The following ERH variants were observed in gnomAD, a reference collection of about 807,000 sequenced individuals.
ERH encodes enhancer of rudimentary homolog.
Under a neutral mutation model 16.8 loss-of-function variants are expected in ERH, and 1 was observed. That is an observed-to-expected ratio of 0.06 (90% CI 0.02 to 0.28). The LOEUF is 0.28. Among genes scored for constraint, ERH ranks in the 10% least tolerant of loss-of-function variants. The pLI is 1.00. For missense variants in ERH, 42 were observed against 127.5 expected, an observed-to-expected ratio of 0.33 and a Z score of 3.23; for synonymous variants, 43 against 43.6, an observed-to-expected ratio of 0.99 and a Z score of 0.05.
chr14:69,395,906 G>C (rs925398508), intron 1 of ERH, among the ~76,000 whole-genome samples: 1 of 152,140 alleles, frequency 6.6e-6, no homozygotes, highest in African/African-American at 2.4e-5. Flanking sequence ...CTTCCACTTC[G>C]TGCTCACTGG....
At chr14:69,384,442 C>T (rs764647596) in intron 3 of ERH, among the ~76,000 whole-genome samples, 6 of 152,218 alleles carry the variant, frequency 3.9e-5, no homozygotes, top group Non-Finnish European at 8.8e-5. Flanking sequence ...CCAGCTATGT[C>T]TAATTCTGCC....
At chr14:69,397,968 G>GGA in intron 1 of ERH, 1 of 594,634 alleles carries the variant, frequency 1.7e-6, no homozygotes, top group Non-Finnish European at 3.0e-6. Context: ...GTAACAATCG[G>GGA]GAGAGAGTTC....
At chr14:69,395,252 C>T (rs1882309888) in intron 1 of ERH, among the ~76,000 whole-genome samples, 1 of 152,030 alleles carries the variant, frequency 6.6e-6, no homozygotes, top group African/African-American at 2.4e-5. Context: ...CTGCAGTGTG[C>T]CATGATCACA....
At chr14:69,381,290 G>T (rs1157854642) in intron 3 of ERH, among the ~76,000 whole-genome samples, 1 of 151,988 alleles carries the variant, frequency 6.6e-6, no homozygotes, top group Non-Finnish European at 1.5e-5. Flanking sequence ...AACAATACTA[G>T]AACAAACTTT....
chr14:69,398,248 T>C lies in ERH; in HGVS notation c.-15A>G. 3.1e-6 allele frequency: 5 copies of C among 1,613,962 alleles called. No homozygotes were observed. The highest frequency in any genetic ancestry group is 4.2e-6 in the Non-Finnish European group (5 of 1,179,958). ...TTTCTCACCATCGCGCCAAACTCTCTTCGCTACAGCAGCTGCCGACACCGC... is the reference window on the plus strand; with the variant it reads ...TTTCTCACCATCGCGCCAAACTCTCCTCGCTACAGCAGCTGCCGACACCGC... On this transcript the variant is annotated 5_prime_UTR_variant, in exon 1 of 4. Transcript: ENST00000557016.
chr14:69,384,720 GA>G (rs2045881489), intron 3 of ERH, among the ~76,000 whole-genome samples: 1 of 152,152 alleles, frequency 6.6e-6, no homozygotes, highest in Admixed American at 6.5e-5. Context: ...CAACACAAGT[GA>G]CGTGCATTTA....
chr14:69,389,432 T>C (rs2045911442), intron 2 of ERH, among the ~76,000 whole-genome samples: 1 of 152,186 alleles, frequency 6.6e-6, no homozygotes, highest in African/African-American at 2.4e-5. Flanking sequence ...CTAGAAGTTC[T>C]AGCCAGGGCA....
intron 2 of ERH, among the ~76,000 whole-genome samples, chr14:69,387,660 C>T (rs1183379361): frequency 7.5e-6 from 1 of 133,160 alleles, no homozygotes; most frequent in Non-Finnish European, 1.5e-5. Flanking sequence ...TGGGTCTTAA[C>T]AGGTTTTTCA....
intron 2 of ERH, among the ~76,000 whole-genome samples, chr14:69,392,445 C>G (rs1166106469): frequency 1.3e-5 from 2 of 152,062 alleles, no homozygotes; most frequent in Non-Finnish European, 2.9e-5. Flanking sequence ...ATAATGATTC[C>G]AACTATATGA....
chr14:69,380,452 TA>T lies in ERH; in HGVS notation c.*85del, dbSNP rs1209825871. On this transcript the variant is annotated 3_prime_UTR_variant, in exon 4 of 4. Transcript: ENST00000557016. ...GAGTATAACAAAGTGGAAACAGGAT[TA>T]CTATGATACAAAACTTCCACTACAG... is the stretch of plus-strand genomic sequence containing the variant. 1.4e-6 allele frequency: 1 copy of T among 724,748 alleles called. No homozygotes were observed. Among genetic ancestry groups the T allele is most frequent in the Non-Finnish European group, 2.5e-6 (1 of 400,060 alleles). 44.9% of individuals were successfully genotyped at this position (724,748 alleles called of 1,614,324 possible).
chr14:69,386,992 G>C lies in ERH; in HGVS notation c.183C>G (p.Ile61Met). 2 of 1,613,586 alleles carry C rather than the reference G, an allele frequency of 1.2e-6. No individual in the cohort carries two copies. Among genetic ancestry groups the C allele is most frequent in the Non-Finnish European group, 8.5e-7 (1 of 1,179,704 alleles). Residue 61 changes from isoleucine (I) to methionine (M), a missense_variant, in exon 3 of 4, where the codon ATC becomes ATG. By Grantham distance (10) the Ile-to-Met change is conservative (BLOSUM62 1). Transcript: ENST00000557016. ...TYDISQLFDF[I>M]DDLADLSCLV... is the part of the protein sequence containing the mutation. ...GGCAGCTGAGGTCTGCCAGATCATCGATGAAATCAAACAACTGACTGATGT... is the reference window on the plus strand; with the variant it reads ...GGCAGCTGAGGTCTGCCAGATCATCCATGAAATCAAACAACTGACTGATGT...
rs774466782 is a variant in ERH at position 69,380,642 on chromosome 14, TGAG to T, written c.213-5_213-3del. The T allele has an allele frequency of 9.5e-6, 15 of 1,583,656 alleles. No individual in the cohort carries two copies. Among genetic ancestry groups the T allele is most frequent in the Admixed American group, 8.4e-5 (5 of 59,462 alleles). The stretch of plus-strand genomic sequence containing the variant: ...TATGTCTGGGTATCAGCTCGGTAAC[TGAG>T]GAGAGAAAGGGAATAAGCAAAGTCA... On this transcript the variant is annotated splice_region_variant and splice_polypyrimidine_tract_variant and intron_variant, in intron 3 of 3. Coordinates refer to ENST00000557016, the MANE Select transcript of ERH (RefSeq NM_004450.3).
At chr14:69,397,605 C>T (rs1594891004) in intron 1 of ERH, among the ~76,000 whole-genome samples, 1 of 152,296 alleles carries the variant, frequency 6.6e-6, no homozygotes, top group East Asian at 1.9e-4. Context: ...CTACAGCAGG[C>T]TAGAGCATTT....
At chr14:69,394,762 G>T in intron 2 of ERH, 63 bp downstream of exon 2, 1 of 1,242,400 alleles carries the variant, frequency 8.0e-7, no homozygotes, top group Non-Finnish European at 1.1e-6. Context: ...AAAAAATTTG[G>T]AGGGGAAAAA....
intron 2 of ERH, among the ~76,000 whole-genome samples, chr14:69,394,416 G>A (rs1882287704): frequency 6.6e-6 from 1 of 152,152 alleles, no homozygotes; most frequent in South Asian, 2.1e-4. Flanking sequence ...CCAACATGGT[G>A]AAACCCCATC....
intron 1 of ERH, chr14:69,398,002 G>A: frequency 4.9e-6 from 3 of 610,906 alleles, no homozygotes; most frequent in East Asian, 5.5e-5. Flanking sequence ...AGGCACGCCG[G>A]ACCCGAGCGA....
At chr14:69,387,627 G>A (rs961386301) in intron 2 of ERH, among the ~76,000 whole-genome samples, 1 of 137,938 alleles carries the variant, frequency 7.2e-6, no homozygotes, top group African/African-American at 2.8e-5. Flanking sequence ...CTTGCCATCT[G>A]ATGGCTCAAA....
Position 69,386,946 on chromosome 14 carries a change from T to C in ERH, c.212+17A>G, listed in dbSNP as rs1195391510. On this transcript the variant is annotated intron_variant, in intron 3 of 3. Coordinates refer to ENST00000557016, the MANE Select transcript of ERH (RefSeq NM_004450.3). ...AATAGAAAATACAAGATAAAAGACA[T>C]GTTGGCTAATACTTACACCAGGCAG... is the stretch of plus-strand genomic sequence containing the variant. The C allele has an allele frequency of 4.3e-6, 7 of 1,610,806 alleles. No homozygotes were observed. Among genetic ancestry groups the C allele is most frequent in the East Asian group, 2.2e-5 (1 of 44,840 alleles).
rs116186509 is a variant in ERH at position 69,386,302 on chromosome 14, C to T, written c.212+661G>A. Among the ~76,000 whole-genome samples the T allele has an allele frequency of 3.1e-3, 478 of 152,302 alleles. 4 individuals carry two copies. Among genetic ancestry groups the T allele is most frequent in the African/African-American group, 0.011 (464 of 41,556 alleles). ...ATCACTGCTCTTTCAACTTCTAGCA[C>T]AGCACCTGACATGTAATAAATATTC... On this transcript the variant is annotated intron_variant, in intron 3 of 3. Coordinates refer to ENST00000557016, the MANE Select transcript of ERH (RefSeq NM_004450.3).
Sources: allele counts gnomAD v4.1 joint callset (sites outside exome capture counted in the v4.1 genomes callset), GRCh38; gene constraint gnomAD v4.1.1; transcripts MANE v1.5; gene names NCBI Gene and HGNC (gene_info 2026-07-23, HGNC 2026-07-21).